STX17: variants seen among roughly 807,000 people sequenced by gnomAD.
STX17 encodes syntaxin 17, also known as syntaxin-17.
Under a neutral mutation model 35.9 loss-of-function variants are expected in STX17, and 29 were observed. The observed-to-expected ratio is 0.81, with a 90% CI of 0.60 to 1.10. STX17 has a LOEUF of 1.10. Ranked by LOEUF, STX17 falls within the 50% of genes least tolerant of loss-of-function variation. The pLI, the probability that STX17 is intolerant of heterozygous loss-of-function variation, is 0.00. For missense variants in STX17, 312 were observed against 352.3 expected (o/e 0.89, Z 0.92); for synonymous variants, 92 against 118.3 (o/e 0.78, Z 1.44).
intron 3 of STX17, among the ~76,000 whole-genome samples, chr9:99,950,617 G>A (rs1314485338): frequency 6.6e-6 from 1 of 151,820 alleles, no homozygotes; most frequent in African/African-American, 2.4e-5. Flanking sequence ...AGTATGGAAT[G>A]GCAAATTATA....
Position 99,974,470 on chromosome 9 carries a change from A to G in STX17, c.*5797A>G, listed in dbSNP as rs1002881159. ...GTAAAGCTTACTGAATTCATTTGTC[A>G]TTTATTACATTGCTGAGTGGTGCTT... On this transcript the variant is annotated 3_prime_UTR_variant, in exon 8 of 8. Coordinates refer to ENST00000259400, the MANE Select transcript of STX17 (RefSeq NM_017919.3). Among the ~76,000 whole-genome samples the G allele has an allele frequency of 1.3e-5, 2 of 152,228 alleles. No individual in the cohort carries two copies. The highest frequency in any genetic ancestry group is 2.4e-5 in the African/African-American group (1 of 41,464).
At chr9:99,955,347 T>C (rs975218805) in intron 4 of STX17, among the ~76,000 whole-genome samples, 7 of 152,128 alleles carry the variant, frequency 4.6e-5, no homozygotes, top group Admixed American at 2.6e-4. Context: ...GTTTGTATTA[T>C]ATGATTCAGA....
At chr9:99,952,485 A>G (rs1029824758) in intron 4 of STX17, among the ~76,000 whole-genome samples, 1 of 152,218 alleles carries the variant, frequency 6.6e-6, no homozygotes, top group Non-Finnish European at 1.5e-5. Flanking sequence ...TTCCTCAAGG[A>G]TCTAGAACTA....
At chr9:99,968,289 T>TC (rs1462959865) in intron 7 of STX17, 145 bp from the exon 8 acceptor site, 9 of 1,003,710 alleles carry the variant, frequency 9.0e-6, no homozygotes, top group East Asian at 8.2e-5. Context: ...TACTTTCTTT[T>TC]CCCCCCTACA....
chr9:99,943,397 T>A (rs1829407898), intron 3 of STX17, among the ~76,000 whole-genome samples: 1 of 152,196 alleles, frequency 6.6e-6, no homozygotes, highest in Non-Finnish European at 1.5e-5. Flanking sequence ...AACCTCTGCC[T>A]CCTGGGTTCA....
intron 2 of STX17, among the ~76,000 whole-genome samples, chr9:99,923,908 CATGT>C (rs1371456387): frequency 3.9e-5 from 6 of 152,154 alleles, no homozygotes; most frequent in Admixed American, 2.6e-4. Flanking sequence ...GCAGAGCTTC[CATGT>C]CCTCCCTGGA....
At chr9:99,956,671 A>G (rs896021152) in intron 4 of STX17, among the ~76,000 whole-genome samples, 1 of 152,222 alleles carries the variant, frequency 6.6e-6, no homozygotes, top group Non-Finnish European at 1.5e-5. Flanking sequence ...CTTACTCTGT[A>G]TCGCCTGCCT....
At position 99,949,145 on chromosome 9, in the gene STX17, A is replaced by G. The variant is rs1829542748; in HGVS notation, c.190-1915A>G. The stretch of plus-strand genomic sequence containing the variant: ...AATTGTGAGGTTGTATTAGATGCTC[A>G]CTTATGCCCCCTTTAAGGTTATATA... On this transcript the variant is annotated intron_variant, in intron 3 of 7. Transcript: ENST00000259400. Among the ~76,000 whole-genome samples the G allele has an allele frequency of 2.6e-5, 4 of 152,084 alleles. No homozygotes were observed. The South Asian group carries it at 8.3e-4, about 32-fold the overall frequency.
At chr9:99,967,784 C>T in intron 7 of STX17, 45 bp downstream of exon 7, 2 of 1,555,318 alleles carry the variant, frequency 1.3e-6, no homozygotes, top group Non-Finnish European at 1.8e-6. Flanking sequence ...CTCTGGCTCC[C>T]AGGAATCTCT....
At position 99,937,187 on chromosome 9, in the gene STX17, C is replaced by T. The variant is rs1829254005; in HGVS notation, c.189+8344C>T. On this transcript the variant is annotated intron_variant, in intron 3 of 7. Coordinates refer to ENST00000259400, the MANE Select transcript of STX17 (RefSeq NM_017919.3). ...TTTCTCTCGCTTCTTTTATGATTTT[C>T]CTTTAATCTCTGGTTTTGGGCACTT... Among the ~76,000 whole-genome samples the T allele has an allele frequency of 1.3e-5, 2 of 151,980 alleles. 1 individual carries two copies. The highest frequency in any genetic ancestry group is 1.3e-4 in the Admixed American group (2 of 15,234).
Position 99,968,646 on chromosome 9 carries a change from C to A in STX17, c.882C>A (p.Pro294=). 1 of 1,613,812 alleles carries A rather than the reference C, an allele frequency of 6.2e-7. No individual in the cohort carries two copies. The highest frequency in any genetic ancestry group is 8.5e-7 in the Non-Finnish European group (1 of 1,179,876). ...TCACTTCCAGCTGTCCAGATCTTCCCAGCCAAACTGACAAGAAATGCAGTT... is the reference window on the plus strand; with the variant it reads ...TCACTTCCAGCTGTCCAGATCTTCCAAGCCAAACTGACAAGAAATGCAGTT... ...EKLTSSCPDL[P]SQTDKKCS The change falls in exon 8 of 8, where the codon CCC becomes CCA. Residue 294 remains proline, a synonymous_variant. Coordinates refer to ENST00000259400, the MANE Select transcript of STX17 (RefSeq NM_017919.3).
At chr9:99,908,136 A>C (rs76917021) in intron 1 of STX17, among the ~76,000 whole-genome samples, 3 of 152,194 alleles carry the variant, frequency 2.0e-5, no homozygotes, top group Non-Finnish European at 4.4e-5. Flanking sequence ...TCATCATATG[A>C]GCATAGCTGA....
At chr9:99,925,430 T>C (rs1828968692) in intron 2 of STX17, among the ~76,000 whole-genome samples, 2 of 152,168 alleles carry the variant, frequency 1.3e-5, no homozygotes, top group African/African-American at 4.8e-5. Flanking sequence ...TGTATCCGTA[T>C]GTGCCATTTT....
In STX17 at chr9:99,953,355, T is replaced by A. The variant is rs1025491368; in HGVS notation, c.415+2070T>A. 6.6e-5 allele frequency among the ~76,000 whole-genome samples: 10 copies of A among 152,120 alleles called. No individual in the cohort carries two copies. In the South Asian group the frequency reaches 2.1e-3, roughly 31 times the overall value. On this transcript the variant is annotated intron_variant, in intron 4 of 7. Transcript: ENST00000259400. ...AAATATCTTTTTAGAGACAATTTTGTAATTTCACATGCACTGTAACCACCT... is the reference window on the plus strand; with the variant it reads ...AAATATCTTTTTAGAGACAATTTTGAAATTTCACATGCACTGTAACCACCT...
At chr9:99,958,246 A>G (rs1241681021) in intron 4 of STX17, among the ~76,000 whole-genome samples, 1 of 152,112 alleles carries the variant, frequency 6.6e-6, no homozygotes, top group Non-Finnish European at 1.5e-5. Context: ...TCACCTGTGT[A>G]GTAATTTCTG....
intron 3 of STX17, among the ~76,000 whole-genome samples, chr9:99,950,201 A>T (rs1295785935): frequency 6.6e-6 from 1 of 151,978 alleles, no homozygotes; most frequent in East Asian, 1.9e-4. Flanking sequence ...AACTTCATTC[A>T]TAGGGAAGTG....
At chr9:99,918,661 A>G (rs1828830457) in intron 2 of STX17, among the ~76,000 whole-genome samples, 1 of 151,720 alleles carries the variant, frequency 6.6e-6, no homozygotes, top group Non-Finnish European at 1.5e-5. Flanking sequence ...ATTGGAAAGT[A>G]TGTGTGTAAA....
Position 99,926,314 on chromosome 9 carries a change from G to A in STX17, c.124-2464G>A, listed in dbSNP as rs180906865. Among the ~76,000 whole-genome samples, 4 of 151,676 alleles carry A rather than the reference G, an allele frequency of 2.6e-5. No individual in the cohort carries two copies. In the East Asian group the frequency reaches 7.8e-4, roughly 29 times the overall value. ...CCCTATCATATCTGGGTCTATTTCT[G>A]TTGATTGGTTTTTCTCATTGCAGAT... is the stretch of plus-strand genomic sequence containing the variant. On this transcript the variant is annotated intron_variant, in intron 2 of 7. Transcript: ENST00000259400.
intron 2 of STX17, among the ~76,000 whole-genome samples, chr9:99,926,304 G>A (rs1828984251): frequency 6.6e-6 from 1 of 151,530 alleles, no homozygotes; most frequent in Non-Finnish European, 1.5e-5. Context: ...TCATATCTGG[G>A]TCTATTTCTG....
Sources: allele counts gnomAD v4.1 joint callset (sites outside exome capture counted in the v4.1 genomes callset), GRCh38; gene constraint gnomAD v4.1.1; transcripts MANE v1.5; gene names NCBI Gene and HGNC (gene_info 2026-07-23, HGNC 2026-07-21).